Variants in DNAJA1 observed in about 807,000 individuals in gnomAD.
The protein encoded by DNAJA1 is dnaJ homolog subfamily A member 1.
DNAJA1 carries 26 observed loss-of-function variants against 47.6 expected under a neutral mutation model. The ratio of observed to expected loss-of-function variants is 0.55; its 90% CI spans 0.40 to 0.76. DNAJA1 has a LOEUF of 0.76. Ranked by LOEUF, DNAJA1 falls within the 30% of genes least tolerant of loss-of-function variation. The probability of loss-of-function intolerance (pLI) is 0.00; values close to 1 mark genes in which losing one functional copy is unlikely to be tolerated. For missense variants in DNAJA1, 315 were observed against 485.0 expected, an observed-to-expected ratio of 0.65 and a Z score of 3.29; for synonymous variants, 165 against 158.4, an observed-to-expected ratio of 1.04 and a Z score of -0.31.
intron 3 of DNAJA1, among the ~76,000 whole-genome samples, chr9:33,027,217 G>A (rs1001357718): frequency 6.6e-6 from 1 of 150,420 alleles, no homozygotes; most frequent in African/African-American, 2.5e-5. Flanking sequence ...GAGCCATGGC[G>A]TGGTCTCAGC....
chr9:33,037,611 G>A (rs1839056617), intron 8 of DNAJA1, among the ~76,000 whole-genome samples: 1 of 152,162 alleles, frequency 6.6e-6, no homozygotes, highest in Non-Finnish European at 1.5e-5. Flanking sequence ...GAGCCTAGGT[G>A]GTCAAGGCTG....
chr9:33,026,712 C>G, intron 2 of DNAJA1, 96 bp downstream of exon 2: 1 of 1,564,828 alleles, frequency 6.4e-7, no homozygotes, highest in Non-Finnish European at 8.6e-7. Context: ...AATATAGTAA[C>G]TATGATCACT....
Position 33,026,905 on chromosome 9 carries a change from T to C in DNAJA1, c.225T>C (p.Gly75=). Reference sequence around the variant, plus strand: ...GAGGAGAACAGGCAATTAAAGAGGGTGGAGCAGGTGGCGGTTTTGGCTCCC... The same window carrying C: ...GAGGAGAACAGGCAATTAAAGAGGGCGGAGCAGGTGGCGGTTTTGGCTCCC... The part of the protein sequence containing the change: ...DKGGEQAIKE[G]GAGGGFGSPM... The change falls in exon 3 of 9, where the codon GGT becomes GGC. Residue 75 remains glycine, a synonymous_variant. Transcript: ENST00000330899. The C allele has an allele frequency of 6.2e-7, 1 of 1,614,076 alleles. No homozygotes were observed. Among genetic ancestry groups the C allele is most frequent in the Non-Finnish European group, 8.5e-7 (1 of 1,180,018 alleles).
In DNAJA1 at chr9:33,039,671, G is replaced by A. The variant is rs1259214171; in HGVS notation, c.*768G>A. On this transcript the variant is annotated 3_prime_UTR_variant, in exon 9 of 9. Coordinates refer to ENST00000330899, the MANE Select transcript of DNAJA1 (RefSeq NM_001539.4). ...GAAATTAAAGTGAAAAGACCTTTAC[G>A]TGGAGAATTTGCATGCGTAATATAG... 2 of 151,438 alleles carry A rather than the reference G, an allele frequency of 1.3e-5. No homozygotes were observed. The highest frequency in any genetic ancestry group is 4.8e-5 in the African/African-American group (2 of 41,286). The allele number at this position is 151,438 out of a possible 1,614,324, so 9.4% of individuals were successfully genotyped here.
At chr9:33,026,254 C>T (rs1017574614) in intron 1 of DNAJA1, among the ~76,000 whole-genome samples, 1 of 152,228 alleles carries the variant, frequency 6.6e-6, no homozygotes, top group African/African-American at 2.4e-5. Flanking sequence ...GAACCAGCTG[C>T]TAGAAGGCGG....
chr9:33,025,698 T>C (rs146293615), intron 1 of DNAJA1, among the ~76,000 whole-genome samples: 2 of 146,932 alleles, frequency 1.4e-5, no homozygotes, highest in African/African-American at 5.0e-5. Context: ...TCGCTCGGGG[T>C]GGGGGGGGGG....
Position 33,038,925 on chromosome 9 carries a change from C to T in DNAJA1, c.*22C>T, listed in dbSNP as rs762575235. 21 of 1,588,998 alleles carry T rather than the reference C, an allele frequency of 1.3e-5. No individual in the cohort carries two copies. In the Admixed American group the frequency reaches 3.7e-4, roughly 28 times the overall value. On this transcript the variant is annotated 3_prime_UTR_variant, in exon 9 of 9. Transcript: ENST00000330899. ...TTAATGGGCCAGTGAATAACACTCA[C>T]TGCTGGCATTTAATGTGCAGTAGTG...
At chr9:33,036,906 G>GT (rs1391365960) in intron 7 of DNAJA1, 109 bp from the exon 8 acceptor site, 2 of 1,036,330 alleles carry the variant, frequency 1.9e-6, no homozygotes, top group Non-Finnish European at 2.8e-6. Context: ...GCTTTGCCAC[G>GT]TAAGTTTTAC....
rs1838932281 is a variant in DNAJA1 at position 33,029,815 on chromosome 9, T to C, written c.311-70T>C. ...TTTTATTATTCTTTGCCACATTCTT[T>C]ATAGTGCCTTTAGCACAAATAAGAT... On this transcript the variant is annotated intron_variant, in intron 3 of 8. Transcript: ENST00000330899. 4.7e-6 allele frequency: 6 copies of C among 1,285,916 alleles called. No homozygotes were observed. In the South Asian group the frequency reaches 7.9e-5, roughly 17 times the overall value. The allele number at this position is 1,285,916 out of a possible 1,614,324, so 79.7% of individuals were successfully genotyped here.
Position 33,038,734 on chromosome 9 carries a change from TG to T in DNAJA1, c.1027del (p.Glu343LysfsTer19). ...GFLSPDKLSL[L>X]EKLLPERKEV... ...CTCTCTCCTGATAAACTGTCTTTGC[TG>T]GAAAAACTCCTACCCGAGAGGAAGG... On this transcript the variant is annotated frameshift_variant, in exon 9 of 9. Coordinates refer to ENST00000330899, the MANE Select transcript of DNAJA1 (RefSeq NM_001539.4). LOFTEE classifies it high-confidence loss of function. 1 of 1,614,162 alleles carries T rather than the reference TG, an allele frequency of 6.2e-7. No homozygotes were observed. Among genetic ancestry groups the T allele is most frequent in the Non-Finnish European group, 8.5e-7 (1 of 1,180,026 alleles).
At position 33,038,673 on chromosome 9, in the gene DNAJA1, T is replaced by C. The variant is rs1275241032; in HGVS notation, c.976-12T>C. 1 of 1,612,018 alleles carries C rather than the reference T, an allele frequency of 6.2e-7. No homozygotes were observed. The highest frequency in any genetic ancestry group is 8.5e-7 in the Non-Finnish European group (1 of 1,178,882). ...ATGAAATCAGATTGAACAGTGAAAG[T>C]TTCTTTTGAAGGTAAACTTTCCTGA... On this transcript the variant is annotated splice_polypyrimidine_tract_variant and intron_variant, in intron 8 of 8. Coordinates refer to ENST00000330899, the MANE Select transcript of DNAJA1 (RefSeq NM_001539.4).
At chr9:33,033,687 C>T (rs916935177) in intron 5 of DNAJA1, among the ~76,000 whole-genome samples, 1 of 152,166 alleles carries the variant, frequency 6.6e-6, no homozygotes, top group African/African-American at 2.4e-5. Flanking sequence ...AAGATCCTAT[C>T]TCAAGAGAAG....
intron 3 of DNAJA1, 95 bp from the exon 4 acceptor site, chr9:33,029,790 T>G: frequency 2.0e-6 from 2 of 990,180 alleles, no homozygotes; most frequent in South Asian, 3.2e-5. Context: ...GAGGCTCATC[T>G]TTTATTATTC....
At chr9:33,026,032 C>T (rs1838830882) in intron 1 of DNAJA1, among the ~76,000 whole-genome samples, 1 of 152,176 alleles carries the variant, frequency 6.6e-6, no homozygotes, top group African/African-American at 2.4e-5. Flanking sequence ...CTATAAACCA[C>T]TCCCCCCCAC....
rs867748833 is a variant in DNAJA1, at chr9:33,038,751, G to A, written c.1042G>A (p.Glu348Lys). Residue 348 changes from glutamate (E) to lysine (K), a missense_variant, in exon 9 of 9, where the codon GAG becomes AAG. By Grantham distance (56) the Glu-to-Lys change is moderately conservative. Around this residue, in one of 4 missense-constraint regions of DNAJA1, gnomAD observed 162 missense variants for 185.4 expected, o/e 0.87. Coordinates refer to ENST00000330899, the MANE Select transcript of DNAJA1 (RefSeq NM_001539.4). Reference protein sequence around the residue: ...KLSLLEKLLPERKEVEETDEM... With the variant: ...KLSLLEKLLPKRKEVEETDEM... ...GTCTTTGCTGGAAAAACTCCTACCC[G>A]AGAGGAAGGAAGTGGAAGAGACTGA... is the stretch of plus-strand genomic sequence containing the variant. 6 of 1,614,146 alleles carry A rather than the reference G, an allele frequency of 3.7e-6. No homozygotes were observed. The highest frequency in any genetic ancestry group is 1.3e-5 in the African/African-American group (1 of 75,042).
chr9:33,026,861 A>G lies in DNAJA1; in HGVS notation c.181A>G (p.Arg61Gly). The G allele has an allele frequency of 6.2e-7, 1 of 1,614,202 alleles. No individual in the cohort carries two copies. The highest frequency in any genetic ancestry group is 8.5e-7 in the Non-Finnish European group (1 of 1,180,024). The change falls in exon 3 of 9, where the codon AGG becomes GGG. Residue 61 changes from arginine (R) to glycine (G), a missense_variant. By Grantham distance (125) the Arg-to-Gly change is moderately radical. Coordinates refer to ENST00000330899, the MANE Select transcript of DNAJA1 (RefSeq NM_001539.4). The stretch of plus-strand genomic sequence containing the variant: ...CGAAGTTCTCTCTGATGCAAAGAAA[A>G]GGGAATTATATGACAAAGGAGGAGA... The part of the protein sequence containing the change: ...AYEVLSDAKK[R>G]ELYDKGGEQA...
chr9:33,026,860 A>G lies in DNAJA1; in HGVS notation c.180A>G (p.Lys60=). Residue 60 remains lysine, a synonymous_variant, in exon 3 of 9, where the codon AAA becomes AAG. Transcript: ENST00000330899. The part of the protein sequence containing the change: ...QAYEVLSDAK[K]RELYDKGGEQ... ...ACGAAGTTCTCTCTGATGCAAAGAA[A>G]AGGGAATTATATGACAAAGGAGGAG... The G allele has an allele frequency of 6.2e-7, 1 of 1,614,194 alleles. No homozygotes were observed. Among genetic ancestry groups the G allele is most frequent in the Non-Finnish European group, 8.5e-7 (1 of 1,180,034 alleles).
chr9:33,038,649 T>A, intron 8 of DNAJA1, 36 bp from the exon 9 acceptor site: 1 of 1,592,420 alleles, frequency 6.3e-7, no homozygotes, highest in Non-Finnish European at 8.6e-7. Context: ...GAGCTAATGA[T>A]GAAATCAGAT....
chr9:33,029,829 C>A, intron 3 of DNAJA1, 56 bp from the exon 4 acceptor site: 2 of 1,437,434 alleles, frequency 1.4e-6, no homozygotes, highest in Admixed American at 2.0e-5. Flanking sequence ...GTGCCTTTAG[C>A]ACAAATAAGA....
Sources: gnomAD v4.1 joint callset for allele counts (sites outside exome capture counted in the v4.1 genomes callset) on GRCh38, gnomAD v4.1.1 for gene constraint, gnomAD v4.1.1 regional missense constraint, MANE v1.5 for transcripts, NCBI Gene and HGNC (gene_info 2026-07-23, HGNC 2026-07-21) for gene names.